KHDRBS2: variants seen among roughly 807,000 people sequenced by gnomAD.
KHDRBS2 encodes the protein KH RNA binding domain containing, signal transduction associated 2, also known as KH domain-containing, RNA-binding, signal transduction-associated protein 2.
In KHDRBS2, 26 loss-of-function variants were observed where a neutral mutation model predicts 44.3. The ratio of observed to expected loss-of-function variants is 0.59; its 90% confidence interval spans 0.43 to 0.81. The LOEUF is 0.81. Ranked by LOEUF, KHDRBS2 falls within the 40% of genes least tolerant of loss-of-function variation. The pLI, the probability that KHDRBS2 is intolerant of heterozygous loss-of-function variation, is 0.00. For missense variants in KHDRBS2, 476 were observed against 433.1 expected (o/e 1.10, Z -0.88); for synonymous variants, 194 against 151.1 (o/e 1.28, Z -2.08).
chr6:61,737,138 T>G (rs1775492205), intron 6 of KHDRBS2, among the ~76,000 whole-genome samples: 1 of 152,084 alleles, frequency 6.6e-6, no homozygotes, highest in South Asian at 2.1e-4. Flanking sequence ...TATAGAGCTA[T>G]TATCTCTATT....
At chr6:62,085,330 G>A (rs1282279723) in intron 2 of KHDRBS2, among the ~76,000 whole-genome samples, 2 of 152,070 alleles carry the variant, frequency 1.3e-5, no homozygotes, top group Non-Finnish European at 2.9e-5. Flanking sequence ...TGAAAAATAT[G>A]TGGAGTGAGA....
Position 62,029,752 on chromosome 6 carries a change from T to A in KHDRBS2, c.336+18126A>T, listed in dbSNP as rs570076376. Among the ~76,000 whole-genome samples, 263 of 152,132 alleles carry A rather than the reference T, an allele frequency of 1.7e-3. 9 individuals carry two copies. The South Asian group carries it at 0.048, about 28-fold the overall frequency. ...TTAGAAGACCTGTAGATTTTCATAATAAATCCATCTCCAAGATTTCTGCAA... is the reference window on the plus strand; with the variant it reads ...TTAGAAGACCTGTAGATTTTCATAAAAAATCCATCTCCAAGATTTCTGCAA... On this transcript the variant is annotated intron_variant, in intron 3 of 8. Transcript: ENST00000281156.
At chr6:62,272,478 G>T (rs1936268158) in intron 1 of KHDRBS2, among the ~76,000 whole-genome samples, 1 of 152,152 alleles carries the variant, frequency 6.6e-6, no homozygotes, top group African/African-American at 2.4e-5. Flanking sequence ...CTCAGTAAGA[G>T]AAATGCTCAC....
rs187437483 is a variant in KHDRBS2, at chr6:61,687,610, C to A, written c.953-6550G>T. 4.3e-4 allele frequency among the ~76,000 whole-genome samples: 65 copies of A among 151,936 alleles called. 1 individual carries two copies. Among genetic ancestry groups the A allele is most frequent in the Admixed American group, 2.9e-3 (44 of 15,192 alleles). ...TTTCTTGTTGAAAGATTCCTTTCTG[C>A]AATCTTAAAACCATTTTTTAACTTT... On this transcript the variant is annotated intron_variant, in intron 8 of 8. Coordinates refer to ENST00000281156, the MANE Select transcript of KHDRBS2 (RefSeq NM_152688.4).
intron 1 of KHDRBS2, among the ~76,000 whole-genome samples, chr6:62,238,723 CAT>C (rs986669007): frequency 9.1e-5 from 13 of 142,088 alleles, no homozygotes; most frequent in Admixed American, 2.1e-4. Context: ...CACACACACA[CAT>C]ATATTTGAGT....
At chr6:61,875,297 A>G (rs1799260959) in intron 6 of KHDRBS2, among the ~76,000 whole-genome samples, 1 of 152,008 alleles carries the variant, frequency 6.6e-6, no homozygotes, top group Non-Finnish European at 1.5e-5. Flanking sequence ...TGCACAGTAA[A>G]TAGAACAGGC....
chr6:61,607,519 GCAAAAAAAAA>G, the KHDRBS2 span, among the ~76,000 whole-genome samples: 2 of 23,322 alleles, frequency 8.6e-5, no homozygotes, highest in Non-Finnish European at 1.5e-4. Context: ...TGAGTTCCAA[GCAAAAAAAAA>G]AAAAAAAAAA....
intron 1 of KHDRBS2, among the ~76,000 whole-genome samples, chr6:62,249,758 G>A (rs1836222378): frequency 6.6e-6 from 1 of 152,020 alleles, no homozygotes; most frequent in African/African-American, 2.4e-5. Context: ...TTTCTATGTG[G>A]AATTATTCAG....
At chr6:61,699,506 A>G (rs1446995069) in intron 7 of KHDRBS2, among the ~76,000 whole-genome samples, 1 of 152,006 alleles carries the variant, frequency 6.6e-6, no homozygotes, top group Non-Finnish European at 1.5e-5. Context: ...TGAATATCAA[A>G]AACCAAATCA....
chr6:61,601,565 C>T, the KHDRBS2 span, among the ~76,000 whole-genome samples: 140 of 152,212 alleles, frequency 9.2e-4, 5 homozygotes, highest in South Asian at 0.022. Context: ...AGGTGCCTGA[C>T]GTCCAGGCAT....
intron 6 of KHDRBS2, among the ~76,000 whole-genome samples, chr6:61,893,912 A>C (rs1337446091): frequency 1.3e-5 from 2 of 150,526 alleles, no homozygotes; most frequent in Non-Finnish European, 2.9e-5. Context: ...AAAAAAAAAA[A>C]CATTTACAGA....
At chr6:61,602,670 TAATC>T in the KHDRBS2 span, among the ~76,000 whole-genome samples, 1 of 152,120 alleles carries the variant, frequency 6.6e-6, no homozygotes, top group Non-Finnish European at 1.5e-5. Context: ...GTACCCTTCT[TAATC>T]AATACAGAGG....
At chr6:62,104,821 A>G (rs1438328481) in intron 2 of KHDRBS2, among the ~76,000 whole-genome samples, 1 of 151,972 alleles carries the variant, frequency 6.6e-6, no homozygotes, top group Non-Finnish European at 1.5e-5. Flanking sequence ...CAATAAATGA[A>G]TAGATAATAA....
At chr6:61,906,884 A>T (rs1342194530) in intron 4 of KHDRBS2, among the ~76,000 whole-genome samples, 1 of 147,982 alleles carries the variant, frequency 6.8e-6, no homozygotes, top group Admixed American at 6.8e-5. Flanking sequence ...TCTTTGATAT[A>T]CTAGTTTGCT....
intron 6 of KHDRBS2, among the ~76,000 whole-genome samples, chr6:61,878,170 T>C (rs749771550): frequency 5.9e-5 from 9 of 152,040 alleles, no homozygotes; most frequent in Middle Eastern, 3.4e-3. Context: ...CCTCTCTGCT[T>C]GTCTACCTGC....
At chr6:61,590,886 A>G in the KHDRBS2 span, among the ~76,000 whole-genome samples, 37,363 of 152,090 alleles carry the variant, frequency 0.25, 5,013 homozygotes, top group East Asian at 0.37. Context: ...GTTCATAGTC[A>G]TGGGATGCTT....
chr6:61,550,384 G>T, the KHDRBS2 span, among the ~76,000 whole-genome samples: 1 of 152,078 alleles, frequency 6.6e-6, no homozygotes, highest in Non-Finnish European at 1.5e-5. Context: ...CATTTTTTAT[G>T]CTGCATAGTA....
intron 1 of KHDRBS2, among the ~76,000 whole-genome samples, chr6:62,262,521 A>G (rs1467777370): frequency 2.0e-5 from 3 of 151,818 alleles, no homozygotes; most frequent in Non-Finnish European, 3.0e-5. Flanking sequence ...TGAAATAATA[A>G]AAGTAGAAAT....
At chr6:62,227,710 T>A (rs1832143708) in intron 1 of KHDRBS2, among the ~76,000 whole-genome samples, 1 of 152,168 alleles carries the variant, frequency 6.6e-6, no homozygotes, top group South Asian at 2.1e-4. Context: ...CAATAACTAG[T>A]TTATTGAGAG....
Sources: gnomAD v4.1 joint callset for allele counts (sites outside exome capture counted in the v4.1 genomes callset) on GRCh38, gnomAD v4.1.1 for gene constraint, MANE v1.5 for transcripts, NCBI Gene and HGNC (gene_info 2026-07-23, HGNC 2026-07-21) for gene names.